The following EMC1 variants were observed in gnomAD, a reference collection of about 807,000 sequenced individuals.
The protein encoded by EMC1 is KIAA0090.
A neutral mutation model predicts 128.8 loss-of-function variants in EMC1; 103 were observed. The observed-to-expected ratio is 0.80, with a 90% CI of 0.68 to 0.94. The LOEUF is 0.94. EMC1 is among the 40% of genes least tolerant of loss of function. The pLI is 0.00. For synonymous variants in EMC1, 442 were observed against 490.4 expected, an observed-to-expected ratio of 0.90 and a Z score of 1.30; for missense variants, 1,083 against 1,250.6, an observed-to-expected ratio of 0.87 and a Z score of 2.02.
At chr1:19,236,016 C>T (rs1183444391) in intron 12 of EMC1, among the ~76,000 whole-genome samples, 1 of 152,098 alleles carries the variant, frequency 6.6e-6, no homozygotes, top group East Asian at 1.9e-4. Flanking sequence ...GAGCAAGGGG[C>T]TGGAATCAAT....
At chr1:19,242,011 C>T (rs1395991774) in intron 5 of EMC1, among the ~76,000 whole-genome samples, 1 of 152,158 alleles carries the variant, frequency 6.6e-6, no homozygotes, top group African/African-American at 2.4e-5. Flanking sequence ...GAACGAAAGG[C>T]TCAGTCAGAA....
chr1:19,219,084 G>A lies in EMC1; in HGVS notation c.*219C>T, dbSNP rs2093411834. 1.9e-6 allele frequency: 1 copy of A among 517,566 alleles called. No homozygotes were observed. Among genetic ancestry groups the A allele is most frequent in the Non-Finnish European group, 3.5e-6 (1 of 288,930 alleles). 32.1% of individuals were successfully genotyped at this position (517,566 alleles called of 1,614,324 possible). A position where few individuals can be genotyped will look rare whatever the true frequency, so the allele number is the denominator to read the frequency against. On this transcript the variant is annotated 3_prime_UTR_variant, in exon 23 of 23. Transcript: ENST00000477853. The stretch of plus-strand genomic sequence containing the variant: ...GAAAGCCCATCAGGAATCTCTGAGA[G>A]TGTCAGCTGAGAGAGTTCTGTCTCT...
chr1:19,238,170 A>G, intron 10 of EMC1, 31 bp from the exon 11 acceptor site: 1 of 1,608,596 alleles, frequency 6.2e-7, no homozygotes, highest in South Asian at 1.1e-5. Context: ...TGTCAACTAC[A>G]GGTATCCCCC....
At chr1:19,227,182 A>T in intron 18 of EMC1, 131 bp downstream of exon 18, 1 of 1,002,856 alleles carries the variant, frequency 1.0e-6, no homozygotes, top group Non-Finnish European at 1.5e-6. Context: ...CACAAACAAA[A>T]ATTAAGGCTC....
intron 4 of EMC1, 117 bp downstream of exon 4, chr1:19,243,497 G>A (rs2093617409): frequency 1.2e-6 from 1 of 861,944 alleles, no homozygotes. Flanking sequence ...AATGTCAATG[G>A]CTGGCTCTTC....
Position 19,219,581 on chromosome 1 carries a change from C to T in EMC1, c.2790G>A (p.Glu930=). The T allele has an allele frequency of 6.2e-7, 1 of 1,614,126 alleles. No individual in the cohort carries two copies. The highest frequency in any genetic ancestry group is 8.5e-7 in the Non-Finnish European group (1 of 1,180,010). Residue 930 remains glutamate (E), a synonymous_variant, in exon 22 of 23, where the codon GAG becomes GAA. Transcript: ENST00000477853. Reference sequence around the variant, plus strand: ...GGGCTCTACTCACCAAACAAGTGGACTCCAGACCCGAGGGAGCTGTGTAGA... The same window carrying T: ...GGGCTCTACTCACCAAACAAGTGGATTCCAGACCCGAGGGAGCTGTGTAGA... ...RGIYTAPSGL[E]STCLVVAYGL...
Position 19,238,533 on chromosome 1 carries a change from T to A in EMC1, c.1089+262A>T, listed in dbSNP as rs1426877327. Among the ~76,000 whole-genome samples, 3 of 152,162 alleles carry A rather than the reference T, an allele frequency of 2.0e-5. No homozygotes were observed. In the East Asian group the frequency reaches 5.8e-4, roughly 29 times the overall value. On this transcript the variant is annotated intron_variant, in intron 10 of 22. Coordinates refer to ENST00000477853, the MANE Select transcript of EMC1 (RefSeq NM_015047.3). The stretch of plus-strand genomic sequence containing the variant: ...GTAACTGCACAGAGTACTACTCAAC[T>A]GTGCCAGCCAGGATCCCAAAAGAAA...
Position 19,239,927 on chromosome 1 carries a change from T to G in EMC1, c.845A>C (p.Asn282Thr), listed in dbSNP as rs749555107. 18 of 1,613,818 alleles carry G rather than the reference T, an allele frequency of 1.1e-5. No homozygotes were observed. Among genetic ancestry groups the G allele is most frequent in the Non-Finnish European group, 1.5e-5 (18 of 1,179,928 alleles). The change falls in exon 8 of 23, where the codon AAC becomes ACC. Residue 282 changes from asparagine to threonine, a missense_variant. Asn to Thr is a moderately conservative substitution (Grantham distance 65). Transcript: ENST00000477853. ...CTGGGCCCGGGAAGCGTCCACTGGG[T>G]TGGGCTGGGTAGGCAGGACCCGGGG... is the stretch of plus-strand genomic sequence containing the variant. ...FQPRVLPTQP[N>T]PVDASRAQFF...
At chr1:19,225,577 G>A (rs1010699926) in intron 18 of EMC1, among the ~76,000 whole-genome samples, 11 of 152,270 alleles carry the variant, frequency 7.2e-5, no homozygotes, top group East Asian at 1.9e-4. Flanking sequence ...AACCTGGGAC[G>A]TGGAGGTTGC....
intron 13 of EMC1, among the ~76,000 whole-genome samples, chr1:19,233,456 C>G (rs1350968183): frequency 6.6e-6 from 1 of 152,202 alleles, no homozygotes; most frequent in Non-Finnish European, 1.5e-5. Flanking sequence ...AGCCCCACAT[C>G]CAAGATGCTA....
At position 19,239,926 on chromosome 1, in the gene EMC1, G is replaced by A; in HGVS notation, c.846C>T (p.Asn282=). Residue 282 remains asparagine (N), a synonymous_variant, in exon 8 of 23, where the codon AAC becomes AAT. Transcript: ENST00000477853. The stretch of plus-strand genomic sequence containing the variant: ...ACTGGGCCCGGGAAGCGTCCACTGG[G>A]TTGGGCTGGGTAGGCAGGACCCGGG... ...FQPRVLPTQP[N]PVDASRAQFF... 6.2e-7 allele frequency: 1 copy of A among 1,614,078 alleles called. No homozygotes were observed. The highest frequency in any genetic ancestry group is 8.5e-7 in the Non-Finnish European group (1 of 1,179,960).
chr1:19,250,126 G>C (rs2093650717), intron 1 of EMC1, among the ~76,000 whole-genome samples: 1 of 148,010 alleles, frequency 6.8e-6, no homozygotes, highest in Admixed American at 6.8e-5. Context: ...GCTGAGGCAG[G>C]AGAATCGCTT....
chr1:19,240,343 G>T lies in EMC1; in HGVS notation c.740C>A (p.Thr247Asn). ...CPDPSSRSLQTLALETEWELR... is the reference protein window; with the variant it reads ...CPDPSSRSLQNLALETEWELR... Reference sequence around the variant, plus strand: ...CTCCCATTCCGTCTCCAGAGCCAAAGTTTGGAGGGAACGTGAGCTCGGGTC... The same window carrying T: ...CTCCCATTCCGTCTCCAGAGCCAAATTTTGGAGGGAACGTGAGCTCGGGTC... Residue 247 changes from threonine to asparagine, a missense_variant, in exon 7 of 23, where the codon ACT (threonine) becomes AAT (asparagine). By Grantham distance (65) the Thr-to-Asn change is moderately conservative. This residue lies in a region of EMC1 where 544 missense variants were observed against 572.4 expected (regional missense o/e 0.95). Transcript: ENST00000477853. 6.2e-7 allele frequency: 1 copy of T among 1,614,210 alleles called. No homozygotes were observed.
rs139951729 is a variant in EMC1 at position 19,235,236 on chromosome 1, C to T, written c.1326G>A (p.Leu442=). 145 of 1,613,046 alleles carry T rather than the reference C, an allele frequency of 9.0e-5. No individual in the cohort carries two copies. The African/African-American group carries it at 1.6e-3, about 17-fold the overall frequency. Residue 442 remains leucine (L), a synonymous_variant, in exon 13 of 23, where the codon CTG becomes CTA. Transcript: ENST00000477853. ...CTGCCAGGGACTCCTCACGGCTCCA[C>T]AGCACCACCTTCCCTGCTACAGGAA... ...FLQQLAGKVV[L]WSREESLAEV...
At position 19,237,206 on chromosome 1, in the gene EMC1, G is replaced by A. The variant is rs781599061; in HGVS notation, c.1245C>T (p.Asp415=). The change falls in exon 12 of 23, where the codon GAC becomes GAT. Residue 415 remains aspartate, a synonymous_variant. Transcript: ENST00000477853. ...GCACCAAAGCCCGGTAGCCCACTGA[G>A]TCATCCTTCTTCAAGAACACCTGGA... ...LYIQVFLKKD[D]SVGYRALVQT... The A allele has an allele frequency of 1.9e-6, 3 of 1,614,076 alleles. No homozygotes were observed. The highest frequency in any genetic ancestry group is 2.2e-5 in the South Asian group (2 of 91,092).
chr1:19,225,697 T>C (rs2093467452), intron 18 of EMC1, among the ~76,000 whole-genome samples: 1 of 151,762 alleles, frequency 6.6e-6, no homozygotes, highest in Non-Finnish European at 1.5e-5. Context: ...CATGCACCTG[T>C]TGTCCCAGCT....
At chr1:19,239,695 G>A (rs867926894) in intron 8 of EMC1, 123 bp downstream of exon 8, 21 of 961,656 alleles carry the variant, frequency 2.2e-5, no homozygotes, top group Middle Eastern at 2.2e-4. Flanking sequence ...AACCACTTAC[G>A]GGAAGGTGTC....
At chr1:19,231,834 G>C (rs1464920966) in intron 15 of EMC1, among the ~76,000 whole-genome samples, 1 of 152,122 alleles carries the variant, frequency 6.6e-6, no homozygotes, top group Non-Finnish European at 1.5e-5. Context: ...TGTTGCCCAG[G>C]CTGGTCTCGA....
At chr1:19,234,702 C>T (rs545769154) in intron 13 of EMC1, among the ~76,000 whole-genome samples, 15 of 152,168 alleles carry the variant, frequency 9.9e-5, no homozygotes, top group South Asian at 2.1e-4. Context: ...AAAAATTAAC[C>T]GGGCATGGTG....
Sources: allele counts gnomAD v4.1 joint callset (sites outside exome capture counted in the v4.1 genomes callset), GRCh38; gene constraint gnomAD v4.1.1; regional missense constraint gnomAD v4.1.1; transcripts MANE v1.5; gene names NCBI Gene and HGNC (gene_info 2026-07-23, HGNC 2026-07-21).